OSBP2: variants seen among roughly 807,000 people sequenced by gnomAD.
The protein encoded by OSBP2 is oxysterol-binding protein 2.
Under a neutral mutation model 96.0 loss-of-function variants are expected in OSBP2, and 66 were observed. The ratio of observed to expected loss-of-function variants is 0.69; its 90% CI spans 0.56 to 0.84. The LOEUF (loss-of-function observed/expected upper bound fraction) is 0.84. OSBP2 is among the 40% of genes least tolerant of loss of function. OSBP2 has a pLI of 0.00. For synonymous variants in OSBP2, 525 were observed against 520.9 expected, an observed-to-expected ratio of 1.01 and a Z score of -0.11; for missense variants, 1,038 against 1,222.7, an observed-to-expected ratio of 0.85 and a Z score of 2.25.
chr22:30,707,990 C>T (rs534213747), intron 1 of OSBP2, among the ~76,000 whole-genome samples: 2 of 151,738 alleles, frequency 1.3e-5, no homozygotes, highest in East Asian at 2.0e-4. Context: ...TGGGTTCAAG[C>T]GAGTCTCCTG....
chr22:30,851,085 A>T (rs535036561), intron 2 of OSBP2, among the ~76,000 whole-genome samples: 2 of 152,170 alleles, frequency 1.3e-5, no homozygotes, highest in South Asian at 4.2e-4. Flanking sequence ...TTTTTGAGAC[A>T]GAGTCTCACT....
chr22:30,735,613 A>G (rs2089841281), intron 1 of OSBP2, among the ~76,000 whole-genome samples: 1 of 149,312 alleles, frequency 6.7e-6, no homozygotes, highest in Non-Finnish European at 1.5e-5. Context: ...TCCCCAGCCT[A>G]TCCCCCTTTT....
At chr22:30,727,782 A>T (rs2089674955) in intron 1 of OSBP2, among the ~76,000 whole-genome samples, 1 of 152,162 alleles carries the variant, frequency 6.6e-6, no homozygotes, top group Non-Finnish European at 1.5e-5. Flanking sequence ...GAACACCCTG[A>T]AAAACCACTA....
At chr22:30,859,057 G>C (rs1479605372) in intron 2 of OSBP2, among the ~76,000 whole-genome samples, 1 of 151,964 alleles carries the variant, frequency 6.6e-6, no homozygotes, top group Non-Finnish European at 1.5e-5. Context: ...ATGGTTCCTA[G>C]TGGCGGAACC....
chr22:30,757,565 G>C (rs1219697995), intron 2 of OSBP2, among the ~76,000 whole-genome samples: 3 of 152,010 alleles, frequency 2.0e-5, no homozygotes, highest in East Asian at 1.9e-4. Context: ...CTACAGGTGG[G>C]TGCCACCATA....
At chr22:30,798,521 A>G (rs2090797846) in intron 2 of OSBP2, among the ~76,000 whole-genome samples, 1 of 152,234 alleles carries the variant, frequency 6.6e-6, no homozygotes, top group African/African-American at 2.4e-5. Flanking sequence ...AAGCTTTTGC[A>G]CTAAGGTTTT....
upstream of OSBP2, chr22:30,693,964 C>G (rs1457249425): frequency 1.0e-6 from 1 of 999,964 alleles, no homozygotes. Context: ...GACTCAGTCT[C>G]AAAAAGGAAA....
intron 1 of OSBP2, among the ~76,000 whole-genome samples, chr22:30,729,021 T>C (rs900439553): frequency 5.9e-5 from 9 of 152,136 alleles, no homozygotes; most frequent in African/African-American, 2.2e-4. Flanking sequence ...TCCACAGGAG[T>C]AAAATTGCTT....
At chr22:30,767,799 C>G (rs1015629457) in intron 2 of OSBP2, among the ~76,000 whole-genome samples, 14 of 152,138 alleles carry the variant, frequency 9.2e-5, no homozygotes, top group African/African-American at 2.9e-4. Context: ...CCGGGCCCTT[C>G]TCAAGGAAGG....
At chr22:30,865,555 C>T (rs1201334068) in intron 2 of OSBP2, among the ~76,000 whole-genome samples, 2 of 147,802 alleles carry the variant, frequency 1.4e-5, no homozygotes, top group African/African-American at 5.0e-5. Flanking sequence ...TTGCATGAAC[C>T]CAGGAGGTGG....
At chr22:30,824,250 G>A (rs536839002) in intron 2 of OSBP2, among the ~76,000 whole-genome samples, 1 of 152,320 alleles carries the variant, frequency 6.6e-6, no homozygotes, top group East Asian at 1.9e-4. Context: ...AGCAAGCCTG[G>A]GGAGGAGGCG....
At chr22:30,843,729 A>G (rs972744748) in intron 2 of OSBP2, among the ~76,000 whole-genome samples, 1 of 152,062 alleles carries the variant, frequency 6.6e-6, no homozygotes, top group African/African-American at 2.4e-5. Context: ...TCAGCCCAGC[A>G]TGGTGGTGTG....
At chr22:30,786,724 T>A (rs900078664) in intron 2 of OSBP2, among the ~76,000 whole-genome samples, 1 of 1,850 alleles carries the variant, frequency 5.4e-4, no homozygotes, top group African/African-American at 1.9e-3. Context: ...AGGGTGGGGG[T>A]GGGGTGGGGT....
At position 30,905,827 on chromosome 22, in the gene OSBP2, A is replaced by ACCG; in HGVS notation, c.2376-7_2376-5dup. The ACCG allele has an allele frequency of 1.9e-6, 3 of 1,612,228 alleles. No individual in the cohort carries two copies. Among genetic ancestry groups the ACCG allele is most frequent in the Non-Finnish European group, 8.5e-7 (1 of 1,179,394 alleles). ...CGCAGCCACCGCCACCGCCACCACC[A>ACCG]CCGCCACAGGGAGAACGCGGAGAAC... is the stretch of plus-strand genomic sequence containing the variant. On this transcript the variant is annotated splice_polypyrimidine_tract_variant and intron_variant, in intron 12 of 13. Coordinates refer to ENST00000332585, the MANE Select transcript of OSBP2 (RefSeq NM_030758.4).
chr22:30,792,540 A>G (rs1329940795), intron 2 of OSBP2, among the ~76,000 whole-genome samples: 4 of 152,134 alleles, frequency 2.6e-5, no homozygotes, highest in Admixed American at 1.3e-4. Context: ...TTAATTAGTC[A>G]TTGTGTCTAT....
intron 3 of OSBP2, among the ~76,000 whole-genome samples, chr22:30,884,173 C>T (rs1250199859): frequency 2.6e-5 from 4 of 152,232 alleles, no homozygotes; most frequent in Non-Finnish European, 5.9e-5. Context: ...CAGTCTCACA[C>T]ATCATCAGGA....
At chr22:30,822,494 G>A in intron 2 of OSBP2, 1 of 1,137,702 alleles carries the variant, frequency 8.8e-7, no homozygotes, top group Non-Finnish European at 1.1e-6. Flanking sequence ...GTGCATTGTG[G>A]TAACGCGGCG....
chr22:30,730,762 CTCTCTCTCTCTCTA>C (rs1569100339), intron 1 of OSBP2, among the ~76,000 whole-genome samples: 50 of 39,460 alleles, frequency 1.3e-3, no homozygotes, highest in East Asian at 1.6e-3. Flanking sequence ...CTCTCTCTCT[CTCTCTCTCTCTCTA>C]TATATATATA....
In OSBP2 at chr22:30,871,126, T is replaced by C. The variant is rs2039448982; in HGVS notation, c.1107+444T>C. 6.6e-6 allele frequency among the ~76,000 whole-genome samples: 1 copy of C among 151,358 alleles called. No individual in the cohort carries two copies. Among genetic ancestry groups the C allele is most frequent in the African/African-American group, 2.4e-5 (1 of 41,128 alleles). On this transcript the variant is annotated intron_variant, in intron 3 of 13. Transcript: ENST00000332585. The surrounding 1 kb of genome is among the most constrained non-coding windows in gnomAD (Gnocchi z 4.7). ...GACGCTGTGCACAACAAGGGGAGGG[T>C]GTGGTGGGGGGCTGCAGTCGAGGGC...
Sources: allele counts gnomAD v4.1 joint callset (sites outside exome capture counted in the v4.1 genomes callset), GRCh38; gene constraint gnomAD v4.1.1; non-coding constraint Gnocchi (gnomAD v3.1); transcripts MANE v1.5; gene names NCBI Gene and HGNC (gene_info 2026-07-23, HGNC 2026-07-21).